The following CTNNA2 variants were observed in gnomAD, a reference collection of about 807,000 sequenced individuals.
CTNNA2 encodes the protein catenin alpha-2.
Under a neutral mutation model 101.0 loss-of-function variants are expected in CTNNA2, and 42 were observed. The observed-to-expected ratio is 0.42, with a 90% CI of 0.32 to 0.54. CTNNA2 has a LOEUF of 0.54. Ranked by LOEUF, CTNNA2 falls within the 20% of genes least tolerant of loss-of-function variation. The pLI, the probability that CTNNA2 is intolerant of heterozygous loss-of-function variation, is 0.14. For synonymous variants in CTNNA2, 450 were observed against 456.4 expected, an observed-to-expected ratio of 0.99 and a Z score of 0.18; for missense variants, 871 against 1,223.1, an observed-to-expected ratio of 0.71 and a Z score of 4.29.
intron 4 of CTNNA2, chr2:79,499,291 A>T (rs1671292557): frequency 6.6e-6 from 1 of 152,122 alleles, no homozygotes; most frequent in Non-Finnish European, 1.5e-5. Flanking sequence ...AATAAGAAAA[A>T]AAACTGAATC....
At chr2:79,202,825 A>C (rs1674055285) in intron 2 of CTNNA2, among the ~76,000 whole-genome samples, 1 of 152,174 alleles carries the variant, frequency 6.6e-6, no homozygotes, top group African/African-American at 2.4e-5. Context: ...CTAGCCATGA[A>C]AGATAGCATC....
chr2:80,151,282 T>C (rs1703678857), intron 7 of CTNNA2, among the ~76,000 whole-genome samples: 1 of 152,218 alleles, frequency 6.6e-6, no homozygotes, highest in African/African-American at 2.4e-5. Flanking sequence ...CTGGATTCAA[T>C]TTCATACCAA....
rs538485722 is a variant in CTNNA2 at position 79,566,689 on chromosome 2, A to C, written c.-6+53482A>C. ...ATACTTTTTATAAAATGATGAAAAA[A>C]TGTAACTGGAAAAACTCTAGGAAAA... On this transcript the variant is annotated intron_variant, in intron 1 of 18. Coordinates refer to ENST00000402739, the MANE Select transcript of CTNNA2 (RefSeq NM_001282597.3). 6.6e-4 allele frequency among the ~76,000 whole-genome samples: 100 copies of C among 152,292 alleles called. 1 individual carries two copies. The highest frequency in any genetic ancestry group is 2.4e-3 in the African/African-American group (98 of 41,580).
chr2:79,961,505 C>T (rs1230261585), intron 7 of CTNNA2, among the ~76,000 whole-genome samples: 9 of 152,048 alleles, frequency 5.9e-5, no homozygotes, highest in South Asian at 4.1e-4. Context: ...TGCAAATTAG[C>T]GAAAAAGTAG....
intron 7 of CTNNA2, among the ~76,000 whole-genome samples, chr2:80,082,285 G>T (rs1699199452): frequency 6.6e-6 from 1 of 151,996 alleles, no homozygotes; most frequent in Admixed American, 6.6e-5. Flanking sequence ...CTTTTAAAAA[G>T]TATTCTAAAC....
chr2:80,016,251 G>C (rs1694135086), intron 7 of CTNNA2, among the ~76,000 whole-genome samples: 1 of 152,132 alleles, frequency 6.6e-6, no homozygotes, highest in African/African-American at 2.4e-5. Context: ...GCTGGGCTTG[G>C]CCCTGAGATA....
chr2:80,065,198 GA>G (rs917522663), intron 7 of CTNNA2, among the ~76,000 whole-genome samples: 2 of 150,852 alleles, frequency 1.3e-5, no homozygotes, highest in African/African-American at 2.4e-5. Flanking sequence ...TTACTTGTCA[GA>G]AAAAAAAATT....
At chr2:79,327,686 G>A (rs758558674) in intron 3 of CTNNA2, among the ~76,000 whole-genome samples, 17 of 152,036 alleles carry the variant, frequency 1.1e-4, no homozygotes, top group African/African-American at 2.7e-4. Flanking sequence ...GAAGTACCAG[G>A]GAAAGGACTC....
chr2:79,285,547 C>T (rs1387868539), intron 2 of CTNNA2, among the ~76,000 whole-genome samples: 2 of 135,950 alleles, frequency 1.5e-5, no homozygotes, highest in African/African-American at 5.7e-5. Context: ...GTTCAGTTTC[C>T]ATGTAGTTGA....
intron 7 of CTNNA2, among the ~76,000 whole-genome samples, chr2:79,989,899 T>TC (rs1340000666): frequency 1.3e-5 from 2 of 152,178 alleles, no homozygotes; most frequent in African/African-American, 4.8e-5. Context: ...GAACTAGATA[T>TC]CTATCTGCCT....
chr2:79,805,666 G>C (rs185238914), intron 3 of CTNNA2, among the ~76,000 whole-genome samples: 4 of 152,144 alleles, frequency 2.6e-5, no homozygotes, highest in African/African-American at 9.7e-5. Context: ...GGCTGGGCAC[G>C]GTGGCTCATG....
At chr2:79,919,645 A>G (rs572542317) in intron 7 of CTNNA2, among the ~76,000 whole-genome samples, 1 of 152,198 alleles carries the variant, frequency 6.6e-6, no homozygotes, top group African/African-American at 2.4e-5. Context: ...TGTCAGGGAG[A>G]GCAGCAGGCT....
intron 3 of CTNNA2, among the ~76,000 whole-genome samples, chr2:79,348,600 T>C (rs1316100958): frequency 6.6e-6 from 1 of 152,204 alleles, no homozygotes; most frequent in Non-Finnish European, 1.5e-5. Flanking sequence ...TGAGCTAAAA[T>C]TTGTGGTTAT....
chr2:80,134,075 T>A (rs1310478715), intron 7 of CTNNA2, among the ~76,000 whole-genome samples: 5 of 152,158 alleles, frequency 3.3e-5, no homozygotes, highest in Admixed American at 3.3e-4. Flanking sequence ...TATTATTATT[T>A]TACAGATTGT....
rs190512216 is a variant in CTNNA2, at chr2:80,115,562, A to G, written c.1056+205765A>G. On this transcript the variant is annotated intron_variant, in intron 7 of 18. Transcript: ENST00000402739. Reference sequence around the variant, plus strand: ...TAATTGTGCCAGTAAAAGCAAGTTGACAATCTTAAAGCATGGTAACGAGAG... The same window carrying G: ...TAATTGTGCCAGTAAAAGCAAGTTGGCAATCTTAAAGCATGGTAACGAGAG... 4.2e-3 allele frequency among the ~76,000 whole-genome samples: 646 copies of G among 152,320 alleles called. 3 individuals are homozygous for G. Among genetic ancestry groups the G allele is most frequent in the Non-Finnish European group, 6.6e-3 (451 of 68,024 alleles).
intron 4 of CTNNA2, among the ~76,000 whole-genome samples, chr2:79,404,222 A>C (rs986472083): frequency 2.0e-5 from 3 of 152,032 alleles, no homozygotes; most frequent in Non-Finnish European, 1.5e-5. Flanking sequence ...CACCAAGTAC[A>C]TGGTTGTCAT....
intron 2 of CTNNA2, among the ~76,000 whole-genome samples, chr2:79,709,265 AT>A (rs1481554602): frequency 6.6e-6 from 1 of 152,204 alleles, no homozygotes; most frequent in African/African-American, 2.4e-5. Flanking sequence ...AGGATGAAGA[AT>A]TTAACAAAGA....
At chr2:79,489,738 A>T (rs1671191329) in intron 4 of CTNNA2, among the ~76,000 whole-genome samples, 1 of 152,238 alleles carries the variant, frequency 6.6e-6, no homozygotes, top group Non-Finnish European at 1.5e-5. Context: ...AGAGTGAGGC[A>T]TGTCTATGTT....
chr2:79,258,006 C>T (rs1011386192), intron 2 of CTNNA2, among the ~76,000 whole-genome samples: 2 of 152,150 alleles, frequency 1.3e-5, no homozygotes, highest in Admixed American at 1.3e-4. Flanking sequence ...CCTCTGTCTT[C>T]ACATGGCCAT....
Sources: allele counts gnomAD v4.1 joint callset (sites outside exome capture counted in the v4.1 genomes callset), GRCh38; gene constraint gnomAD v4.1.1; transcripts MANE v1.5; gene names NCBI Gene and HGNC (gene_info 2026-07-23, HGNC 2026-07-21).